Variants in PPP1R9A observed in about 807,000 individuals in gnomAD.
The protein encoded by PPP1R9A is neurabin-1.
In PPP1R9A, 59 loss-of-function variants were observed where a neutral mutation model predicts 141.9. That is an observed-to-expected ratio of 0.42 (90% CI 0.34 to 0.52). PPP1R9A has a LOEUF of 0.52. PPP1R9A is among the 20% of genes least tolerant of loss of function. PPP1R9A has a pLI of 0.10. For missense variants in PPP1R9A, 1,444 were observed against 1,611.9 expected, an observed-to-expected ratio of 0.90 and a Z score of 1.78; for synonymous variants, 500 against 569.7, an observed-to-expected ratio of 0.88 and a Z score of 1.74.
chr7:94,928,199 T>C (rs1793718231), intron 2 of PPP1R9A, among the ~76,000 whole-genome samples: 1 of 152,010 alleles, frequency 6.6e-6, no homozygotes, highest in African/African-American at 2.4e-5. Flanking sequence ...GAAAAGTGTG[T>C]TTGAGAAAAG....
intron 5 of PPP1R9A, among the ~76,000 whole-genome samples, chr7:95,168,688 G>A (rs528557262): frequency 5.3e-5 from 8 of 151,990 alleles, no homozygotes; most frequent in Admixed American, 3.9e-4. Flanking sequence ...CAAAGCAACA[G>A]TAAAAAAGCA....
At position 95,284,075 on chromosome 7, in the gene PPP1R9A, C is replaced by T. The variant is rs747053918; in HGVS notation, c.3354C>T (p.Thr1118=). 3 of 1,597,694 alleles carry T rather than the reference C, an allele frequency of 1.9e-6. No homozygotes were observed. The highest frequency in any genetic ancestry group is 3.3e-5 in the Admixed American group (2 of 59,950). Residue 1118 remains threonine (T), a synonymous_variant, in exon 17 of 20, where the codon ACC becomes ACT. Transcript: ENST00000433360. ...CCAAGCCATGTTCAACAGCTCAGAC[C>T]TCCACTCGTTCCCCTTGCATGCCTT... The part of the protein sequence containing the change: ...WTPKPCSTAQ[T]STRSPCMPFS...
intron 4 of PPP1R9A, among the ~76,000 whole-genome samples, chr7:95,123,880 G>C (rs910822543): frequency 6.6e-6 from 1 of 152,104 alleles, no homozygotes; most frequent in Non-Finnish European, 1.5e-5. Flanking sequence ...AACCAAGTAA[G>C]AGTAAGCTTG....
chr7:95,170,436 A>T (rs1244649880), intron 5 of PPP1R9A, among the ~76,000 whole-genome samples: 1 of 151,674 alleles, frequency 6.6e-6, no homozygotes, highest in African/African-American at 2.4e-5. Flanking sequence ...ATGAAGAGAC[A>T]TCATAATCAA....
intron 2 of PPP1R9A, among the ~76,000 whole-genome samples, chr7:95,066,911 T>G (rs1813026641): frequency 6.6e-6 from 1 of 152,202 alleles, no homozygotes. Context: ...TTAGAAATTC[T>G]TATGCACCAG....
At chr7:95,099,504 T>A (rs28645907) in intron 2 of PPP1R9A, among the ~76,000 whole-genome samples, 10,857 of 152,224 alleles carry the variant, frequency 0.071, 509 homozygotes, top group African/African-American at 0.13. Flanking sequence ...TGAACATCAG[T>A]GGAATTTCCC....
chr7:95,076,433 A>G (rs1814872403), intron 2 of PPP1R9A, among the ~76,000 whole-genome samples: 1 of 151,242 alleles, frequency 6.6e-6, no homozygotes, highest in African/African-American at 2.5e-5. Flanking sequence ...TTATTTTGAC[A>G]TATTTTGTAT....
intron 2 of PPP1R9A, among the ~76,000 whole-genome samples, chr7:95,053,717 A>G (rs1488475144): frequency 2.6e-5 from 4 of 152,108 alleles, no homozygotes; most frequent in African/African-American, 9.7e-5. Context: ...CACTTGTTAC[A>G]TTGCTGTATG....
intron 2 of PPP1R9A, among the ~76,000 whole-genome samples, chr7:94,973,245 A>G (rs1799059925): frequency 6.6e-6 from 1 of 152,196 alleles, no homozygotes; most frequent in Non-Finnish European, 1.5e-5. Flanking sequence ...ATTGTTTACT[A>G]AGTTATTTTC....
Position 94,984,678 on chromosome 7 carries a change from T to C in PPP1R9A, c.1395+73170T>C, listed in dbSNP as rs545683176. ...TATTTCCTTGAGATCGGTGGTGATA[T>C]CCCCTTTATCATTTTTTATTGCATC... On this transcript the variant is annotated intron_variant, in intron 2 of 19. Transcript: ENST00000433360. Among the ~76,000 whole-genome samples the C allele has an allele frequency of 2.6e-5, 4 of 152,284 alleles. No homozygotes were observed. The South Asian group carries it at 8.3e-4, about 32-fold the overall frequency.
intron 5 of PPP1R9A, 84 bp from the exon 6 acceptor site, chr7:95,198,265 G>C (rs995612770): frequency 3.8e-6 from 5 of 1,330,214 alleles, no homozygotes; most frequent in Non-Finnish European, 5.0e-6. Context: ...GATGGACCCT[G>C]CTGAGATCAA....
At chr7:95,039,557 GAA>G (rs35700599) in intron 2 of PPP1R9A, among the ~76,000 whole-genome samples, 6 of 123,402 alleles carry the variant, frequency 4.9e-5, no homozygotes, top group South Asian at 2.6e-4. Context: ...GACTACATCT[GAA>G]AAAAAAAAAA....
At chr7:95,177,753 A>G (rs759263530) in intron 5 of PPP1R9A, among the ~76,000 whole-genome samples, 1 of 152,122 alleles carries the variant, frequency 6.6e-6, no homozygotes, top group Non-Finnish European at 1.5e-5. Context: ...ACTTTAAAGC[A>G]ACAGCAATTA....
intron 2 of PPP1R9A, among the ~76,000 whole-genome samples, chr7:94,922,912 C>T (rs1321383783): frequency 1.3e-5 from 2 of 152,094 alleles, no homozygotes; most frequent in Admixed American, 1.3e-4. Context: ...AACAAAAACA[C>T]TTTTTAAAAT....
intron 9 of PPP1R9A, 92 bp from the exon 10 acceptor site, chr7:95,249,934 A>G: frequency 6.9e-7 from 1 of 1,443,852 alleles, no homozygotes; most frequent in East Asian, 2.5e-5. Context: ...GTTTATGATA[A>G]TAGAACTTGA....
chr7:95,097,045 T>G (rs530117637), intron 2 of PPP1R9A, among the ~76,000 whole-genome samples: 2 of 152,174 alleles, frequency 1.3e-5, no homozygotes, highest in African/African-American at 4.8e-5. Flanking sequence ...AGTTTTTATT[T>G]TTTTCCTTTT....
intron 2 of PPP1R9A, among the ~76,000 whole-genome samples, chr7:95,014,747 T>G (rs1380188380): frequency 6.6e-6 from 1 of 152,110 alleles, no homozygotes; most frequent in Non-Finnish European, 1.5e-5. Flanking sequence ...TAAAATGATT[T>G]TTCTCATCCT....
intron 2 of PPP1R9A, among the ~76,000 whole-genome samples, chr7:95,007,445 G>A (rs1001747892): frequency 6.6e-5 from 10 of 152,088 alleles, no homozygotes; most frequent in Non-Finnish European, 1.2e-4. Flanking sequence ...CAAAATCTGC[G>A]GTTGAGAACC....
intron 2 of PPP1R9A, among the ~76,000 whole-genome samples, chr7:94,940,555 TAAAAG>T (rs938242122): frequency 6.6e-6 from 1 of 151,974 alleles, no homozygotes; most frequent in African/African-American, 2.4e-5. Flanking sequence ...GTTTGTATAA[TAAAAG>T]AAAAGGAAAA....
Sources: gnomAD v4.1 joint callset for allele counts (sites outside exome capture counted in the v4.1 genomes callset) on GRCh38, gnomAD v4.1.1 for gene constraint, MANE v1.5 for transcripts, NCBI Gene and HGNC (gene_info 2026-07-23, HGNC 2026-07-21) for gene names.